Variants in ZEB2 observed in about 807,000 individuals in gnomAD.
ZEB2 encodes zinc finger E-box binding homeobox 2.
Under a neutral mutation model 99.9 loss-of-function variants are expected in ZEB2, and 6 were observed. The observed-to-expected ratio is 0.06, with a 90% CI of 0.03 to 0.12. ZEB2 has a LOEUF of 0.12. Among genes scored for constraint, ZEB2 ranks in the 10% least tolerant of loss-of-function variants. The probability of loss-of-function intolerance (pLI) is 1.00; values close to 1 mark genes in which losing one functional copy is unlikely to be tolerated. For synonymous variants in ZEB2, 517 were observed against 542.5 expected (o/e 0.95, Z 0.65); for missense variants, 969 against 1,502.8 (o/e 0.64, Z 5.87).
At chr2:144,419,870 T>C (rs977995910) in intron 4 of ZEB2, among the ~76,000 whole-genome samples, 6 of 152,220 alleles carry the variant, frequency 3.9e-5, no homozygotes, top group Admixed American at 3.9e-4. Context: ...TTATGTGTTA[T>C]AGATCAATTT....
intron 2 of ZEB2, among the ~76,000 whole-genome samples, chr2:144,487,704 G>GT (rs1395029095): frequency 6.6e-6 from 1 of 151,994 alleles, no homozygotes; most frequent in African/African-American, 2.4e-5. Flanking sequence ...TTTTGTTTTT[G>GT]TTTTTTTGTA....
chr2:144,509,462 A>G (rs778011797), intron 2 of ZEB2, among the ~76,000 whole-genome samples: 16 of 152,200 alleles, frequency 1.1e-4, no homozygotes, highest in African/African-American at 2.4e-5. Flanking sequence ...AATCTGTGTC[A>G]CATGTTCGCA....
intron 4 of ZEB2, among the ~76,000 whole-genome samples, chr2:144,413,971 C>T (rs1204733816): frequency 6.6e-6 from 1 of 152,168 alleles, no homozygotes; most frequent in African/African-American, 2.4e-5. Flanking sequence ...TTCCCCTATG[C>T]TAACGATGCG....
intron 2 of ZEB2, among the ~76,000 whole-genome samples, chr2:144,506,921 T>A (rs2149928343): frequency 6.6e-6 from 1 of 152,292 alleles, no homozygotes; most frequent in African/African-American, 2.4e-5. Flanking sequence ...ATTACAGTTT[T>A]TTTAATGTAG....
chr2:144,439,348 A>G (rs1703877801), intron 2 of ZEB2, among the ~76,000 whole-genome samples: 1 of 152,204 alleles, frequency 6.6e-6, no homozygotes, highest in African/African-American at 2.4e-5. Flanking sequence ...CAAAAGGGGT[A>G]GAAAAGATCT....
intron 2 of ZEB2, among the ~76,000 whole-genome samples, chr2:144,497,347 G>C (rs919338975): frequency 6.6e-6 from 1 of 152,096 alleles, no homozygotes; most frequent in African/African-American, 2.4e-5. Flanking sequence ...CCAGGCTCTA[G>C]CATCCATTTT....
At chr2:144,461,111 T>TA (rs1704188037) in intron 2 of ZEB2, 1 of 150,844 alleles carries the variant, frequency 6.6e-6, no homozygotes, top group Non-Finnish European at 1.5e-5. Context: ...TTTTTTTTTT[T>TA]ATCACACTCC....
intron 2 of ZEB2, among the ~76,000 whole-genome samples, chr2:144,492,181 A>T (rs1352734188): frequency 6.6e-6 from 1 of 152,234 alleles, no homozygotes; most frequent in African/African-American, 2.4e-5. Flanking sequence ...CGTCAGATTA[A>T]GCGGAAAATA....
chr2:144,501,274 C>T (rs1185248175), intron 2 of ZEB2, among the ~76,000 whole-genome samples: 1 of 152,156 alleles, frequency 6.6e-6, no homozygotes, highest in Non-Finnish European at 1.5e-5. Context: ...CTTGTGTCTC[C>T]CTCCAATCAT....
chr2:144,457,527 A>T (rs775294955), intron 2 of ZEB2, among the ~76,000 whole-genome samples: 1 of 152,136 alleles, frequency 6.6e-6, no homozygotes, highest in African/African-American at 2.4e-5. Context: ...TTTAGTGGAC[A>T]TAACTGTGCC....
chr2:144,441,090 G>A (rs372361441), intron 2 of ZEB2, among the ~76,000 whole-genome samples: 3 of 146,010 alleles, frequency 2.1e-5, no homozygotes, highest in Non-Finnish European at 3.0e-5. Context: ...ACACCACAGC[G>A]CCTAACTCCA....
intron 4 of ZEB2, 106 bp from the exon 5 acceptor site, chr2:144,405,130 C>A: frequency 8.5e-7 from 1 of 1,175,486 alleles, no homozygotes; most frequent in Non-Finnish European, 1.2e-6. Flanking sequence ...CAATAGACTA[C>A]AAAACCTAGT....
At position 144,467,037 on chromosome 2, in the gene ZEB2, C is replaced by T. The variant is rs989114339; in HGVS notation, c.74-37011G>A. ...GTTTCTTAATCCCTCCCTAACAAGACTGACATAAGGAATGGTTTATTTTTC... is the reference window on the plus strand; with the variant it reads ...GTTTCTTAATCCCTCCCTAACAAGATTGACATAAGGAATGGTTTATTTTTC... On this transcript the variant is annotated intron_variant, in intron 2 of 9. Coordinates refer to ENST00000627532, the MANE Select transcript of ZEB2 (RefSeq NM_014795.4). Among the ~76,000 whole-genome samples the T allele has an allele frequency of 1.8e-4, 27 of 152,210 alleles. No homozygotes were observed. In the East Asian group the frequency reaches 5.0e-3, roughly 28 times the overall value.
intron 2 of ZEB2, among the ~76,000 whole-genome samples, chr2:144,492,183 C>T (rs528188339): frequency 2.2e-4 from 33 of 152,262 alleles, no homozygotes; most frequent in Non-Finnish European, 4.1e-4. Context: ...TCAGATTAAG[C>T]GGAAAATAGC....
chr2:144,492,427 C>CTACT (rs1704693638), intron 2 of ZEB2, among the ~76,000 whole-genome samples: 1 of 152,180 alleles, frequency 6.6e-6, no homozygotes, highest in Non-Finnish European at 1.5e-5. Context: ...CATTAATCAC[C>CTACT]TACTATGTGC....
rs1454792139 is a variant in ZEB2, at chr2:144,429,105, GTTT to G, written c.331+661_331+663del. ...TCCCGTTTGCACAGTGTTGTCGGAA[GTTT>G]TAGTTTGAATATAATTTACCTTAGT... On this transcript the variant is annotated intron_variant, in intron 3 of 9. Coordinates refer to ENST00000627532, the MANE Select transcript of ZEB2 (RefSeq NM_014795.4). 10 of 152,456 alleles carry G rather than the reference GTTT, an allele frequency of 6.6e-5. No individual in the cohort carries two copies. In the East Asian group the frequency reaches 1.9e-3, roughly 29 times the overall value. The allele number at this position is 152,456 out of a possible 1,614,324, so 9.4% of individuals were successfully genotyped here.
intron 4 of ZEB2, among the ~76,000 whole-genome samples, chr2:144,412,896 T>G (rs1480184018): frequency 6.6e-6 from 1 of 152,220 alleles, no homozygotes; most frequent in African/African-American, 2.4e-5. Flanking sequence ...TATTCAGCTT[T>G]GTGTCACCAG....
chr2:144,478,322 T>C (rs1704458983), intron 2 of ZEB2, among the ~76,000 whole-genome samples: 1 of 152,240 alleles, frequency 6.6e-6, no homozygotes, highest in African/African-American at 2.4e-5. Flanking sequence ...TGTTCTTTAT[T>C]CAAAAACTAA....
intron 2 of ZEB2, among the ~76,000 whole-genome samples, chr2:144,471,354 G>A (rs962924396): frequency 1.3e-5 from 2 of 152,106 alleles, no homozygotes; most frequent in Non-Finnish European, 2.9e-5. Flanking sequence ...GCAACAAAAG[G>A]TTGTGTCAGA....
Sources: gnomAD v4.1 joint callset for allele counts (sites outside exome capture counted in the v4.1 genomes callset) on GRCh38, gnomAD v4.1.1 for gene constraint, MANE v1.5 for transcripts, NCBI Gene and HGNC (gene_info 2026-07-23, HGNC 2026-07-21) for gene names.